The following DMD variants were observed in gnomAD, a reference collection of about 807,000 sequenced individuals.
DMD encodes the protein mutant dystrophin.
A neutral mutation model predicts 330.1 loss-of-function variants in DMD; 63 were observed. The ratio of observed to expected loss-of-function variants is 0.19; its 90% CI spans 0.16 to 0.24. DMD has a LOEUF of 0.24. DMD is among the 10% of genes least tolerant of loss of function. DMD has a pLI of 1.00. For synonymous variants in DMD, 1,223 were observed against 959.8 expected (o/e 1.27, Z -5.07); for missense variants, 3,344 against 2,684.1 (o/e 1.25, Z -5.43).
chrX:33,220,316 C>A (rs184327577), intron 1 of DMD, among the ~76,000 whole-genome samples: 1 of 111,079 alleles, frequency 9.0e-6, no homozygotes, highest in Non-Finnish European at 1.9e-5. Flanking sequence ...AGCAGGCTCA[C>A]CCCTACCATT....
chrX:33,030,265 A>C (rs2147840778), intron 1 of DMD, among the ~76,000 whole-genome samples: 1 of 112,031 alleles, frequency 8.9e-6, no homozygotes, highest in Non-Finnish European at 1.9e-5. Context: ...CGTGGCAGCC[A>C]TGTTAATAAT....
At chrX:33,107,299 C>G (rs954597977) in intron 1 of DMD, among the ~76,000 whole-genome samples, 3 of 66,397 alleles carry the variant, frequency 4.5e-5, no homozygotes, top group Non-Finnish European at 8.1e-5. Flanking sequence ...GCAACAAGAG[C>G]GAAGCTCTGT....
intron 59 of DMD, among the ~76,000 whole-genome samples, chrX:31,454,958 T>C (rs1425475859): frequency 9.9e-6 from 1 of 101,359 alleles, no homozygotes; most frequent in African/African-American, 3.6e-5. Context: ...TTTCTTTTTT[T>C]TTTTTTTTTT....
chrX:33,128,480 T>A, intron 1 of DMD: 1 of 897,929 alleles, frequency 1.1e-6, no homozygotes, highest in Non-Finnish European at 1.4e-6. Flanking sequence ...ACCGGCTCAA[T>A]CTACCTGATT....
intron 59 of DMD, among the ~76,000 whole-genome samples, chrX:31,462,213 C>T (rs1395430372): frequency 1.8e-5 from 2 of 112,108 alleles, no homozygotes; most frequent in African/African-American, 3.2e-5. Context: ...GGTGTTGTGG[C>T]TTACGCCTGT....
rs183685205 is a variant in DMD at position 31,705,718 on chromosome X, C to T, written c.7660+23913G>A. Among the ~76,000 whole-genome samples, 26 of 112,314 alleles carry T rather than the reference C, an allele frequency of 2.3e-4. No homozygotes were observed. The East Asian group carries it at 5.6e-3, about 24-fold the overall frequency. On this transcript the variant is annotated intron_variant, in intron 52 of 78. Transcript: ENST00000357033. ...TAAAGGTTGCTGTTGGAAATCAACA[C>T]GGACCCACAATTTCTTGTTGAATGT...
intron 17 of DMD, among the ~76,000 whole-genome samples, chrX:32,524,425 C>G (rs2046759160): frequency 8.9e-6 from 1 of 112,119 alleles, no homozygotes; most frequent in Admixed American, 9.4e-5. Context: ...TCCACATTAT[C>G]AAGTAATTTG....
chrX:31,261,075 G>A, intron 62 of DMD, 59 bp from the exon 63 acceptor site: 1 of 1,030,094 alleles, frequency 9.7e-7, no homozygotes, highest in Non-Finnish European at 1.4e-6. Flanking sequence ...CAAGAAAACA[G>A]GAAAAAAGAA....
intron 7 of DMD, among the ~76,000 whole-genome samples, chrX:32,714,926 C>G (rs2065540049): frequency 9.0e-6 from 1 of 111,339 alleles, no homozygotes; most frequent in African/African-American, 3.3e-5. Flanking sequence ...TATCCATCAT[C>G]TCACATAATC....
At chrX:32,247,247 C>A (rs1200931036) in intron 43 of DMD, among the ~76,000 whole-genome samples, 1 of 111,735 alleles carries the variant, frequency 8.9e-6, no homozygotes, top group East Asian at 2.8e-4. Flanking sequence ...TCCTCCATTG[C>A]TCTTTATATT....
intron 57 of DMD, among the ~76,000 whole-genome samples, chrX:31,483,437 T>C (rs1208029653): frequency 8.9e-6 from 1 of 112,241 alleles, no homozygotes; most frequent in Non-Finnish European, 1.9e-5. Context: ...TATAATTCCA[T>C]TGTTAAAACT....
intron 18 of DMD, among the ~76,000 whole-genome samples, chrX:32,511,039 T>C (rs1428571122): frequency 9.1e-6 from 1 of 109,681 alleles, no homozygotes; most frequent in Non-Finnish European, 1.9e-5. Flanking sequence ...CCCTTTCCCA[T>C]GTTTTCAAGA....
chrX:32,196,759 G>A (rs2097002879), intron 44 of DMD, among the ~76,000 whole-genome samples: 1 of 110,393 alleles, frequency 9.1e-6, no homozygotes, highest in African/African-American at 3.3e-5. Context: ...GCCAAGGTGG[G>A]CAGATCACGA....
At chrX:32,195,926 A>C (rs1331424617) in intron 44 of DMD, among the ~76,000 whole-genome samples, 1 of 112,050 alleles carries the variant, frequency 8.9e-6, no homozygotes, top group Non-Finnish European at 1.9e-5. Context: ...AAGACTAAGC[A>C]TATATAAGGC....
At chrX:32,345,652 GATAAAA>G (rs2097761289) in intron 39 of DMD, among the ~76,000 whole-genome samples, 1 of 109,553 alleles carries the variant, frequency 9.1e-6, no homozygotes, top group South Asian at 3.8e-4. Flanking sequence ...TAAAGTAGCT[GATAAAA>G]ATAAAGCACA....
At chrX:32,983,167 T>A (rs1426241414) in intron 2 of DMD, among the ~76,000 whole-genome samples, 3 of 110,986 alleles carry the variant, frequency 2.7e-5, no homozygotes. Context: ...TTTACTGAAG[T>A]AACCCTTATC....
chrX:32,556,185 T>C (rs771635047), intron 16 of DMD, among the ~76,000 whole-genome samples: 2 of 112,329 alleles, frequency 1.8e-5, no homozygotes, highest in African/African-American at 3.2e-5. Context: ...AAAGAAGACA[T>C]ACATGTGACC....
At chrX:31,376,816 A>G (rs116331926) in intron 60 of DMD, among the ~76,000 whole-genome samples, 11,145 of 111,509 alleles carry the variant, frequency 0.1, 1,214 homozygotes, top group African/African-American at 0.32. Flanking sequence ...AGGGTGGATG[A>G]GGGCCAAGAG....
chrX:32,691,512 GGATTA>G (rs1477426001), intron 9 of DMD, among the ~76,000 whole-genome samples: 1 of 111,256 alleles, frequency 9.0e-6, no homozygotes, highest in Non-Finnish European at 1.9e-5. Context: ...ATTAAAAAAT[GGATTA>G]GTAAGGATGT....
Sources: allele counts gnomAD v4.1 joint callset (sites outside exome capture counted in the v4.1 genomes callset), GRCh38; gene constraint gnomAD v4.1.1; transcripts MANE v1.5; gene names NCBI Gene and HGNC (gene_info 2026-07-23, HGNC 2026-07-21).